The following PDZD8 variants were observed in gnomAD, a reference collection of about 807,000 sequenced individuals.
PDZD8 encodes the protein PDZ domain containing 8, also known as PDZ domain-containing protein 8.
PDZD8 carries 14 observed loss-of-function variants against 85.8 expected under a neutral mutation model. The observed-to-expected ratio is 0.16, with a 90% CI of 0.11 to 0.26. PDZD8 has a LOEUF of 0.26. Ranked by LOEUF, PDZD8 falls within the 10% of genes least tolerant of loss-of-function variation. The probability of loss-of-function intolerance (pLI) is 1.00; values close to 1 mark genes in which losing one functional copy is unlikely to be tolerated. For synonymous variants in PDZD8, 592 were observed against 568.6 expected (o/e 1.04, Z -0.59); for missense variants, 1,197 against 1,424.3 (o/e 0.84, Z 2.57).
chr10:117,340,658 T>C (rs896598502), intron 2 of PDZD8, among the ~76,000 whole-genome samples: 1 of 152,148 alleles, frequency 6.6e-6, no homozygotes, highest in Non-Finnish European at 1.5e-5. Flanking sequence ...ATAAGTATCA[T>C]TGAGTAATTT....
chr10:117,343,563 C>CT, intron 1 of PDZD8, among the ~76,000 whole-genome samples: 1 of 152,260 alleles, frequency 6.6e-6, no homozygotes, highest in South Asian at 2.1e-4. Context: ...ACCATATACA[C>CT]TAGAAACTTT....
chr10:117,323,560 C>A (rs944088895), intron 2 of PDZD8, among the ~76,000 whole-genome samples: 2 of 152,148 alleles, frequency 1.3e-5, no homozygotes, highest in African/African-American at 4.8e-5. Flanking sequence ...CAAAATTTTT[C>A]TGAAGAATTC....
chr10:117,371,656 C>T (rs557876653), intron 1 of PDZD8, among the ~76,000 whole-genome samples: 3 of 152,122 alleles, frequency 2.0e-5, no homozygotes, highest in Non-Finnish European at 2.9e-5. Flanking sequence ...TACAAAGCGC[C>T]GGGCAAGGTG....
chr10:117,280,398 T>C lies in PDZD8; in HGVS notation c.*2870A>G, dbSNP rs934841121. The C allele has an allele frequency of 6.6e-6, 1 of 152,232 alleles. No homozygotes were observed. Among genetic ancestry groups the C allele is most frequent in the African/African-American group, 2.4e-5 (1 of 41,460 alleles). 9.4% of individuals were successfully genotyped at this position (152,232 alleles called of 1,614,324 possible). A position where few individuals can be genotyped will look rare whatever the true frequency, so the allele number is the denominator to read the frequency against. On this transcript the variant is annotated 3_prime_UTR_variant, in exon 5 of 5. Transcript: ENST00000334464. The stretch of plus-strand genomic sequence containing the variant: ...TTTGTTTAGGAAAAGTGGACTTTGT[T>C]ATGCTTTTCTGCATGGCCAAATTAT...
In PDZD8 at chr10:117,284,437, C is replaced by CTATA. The variant is rs1384146419; in HGVS notation, c.2292_2295dup (p.Val766TyrfsTer4). 1.9e-6 allele frequency: 3 copies of CTATA among 1,614,154 alleles called. No individual in the cohort carries two copies. Among genetic ancestry groups the CTATA allele is most frequent in the Non-Finnish European group, 2.5e-6 (3 of 1,180,022 alleles). The stretch of plus-strand genomic sequence containing the variant: ...AGATTGCGTAGTGCGGTTCTAGTGA[C>CTATA]TATAGCCTTAGGTGAGGGGGCTTCC... On this transcript the variant is annotated frameshift_variant, in exon 5 of 5. Transcript: ENST00000334464. LOFTEE classifies it high-confidence loss of function.
intron 2 of PDZD8, among the ~76,000 whole-genome samples, chr10:117,336,050 C>T (rs1008343590): frequency 1.1e-4 from 16 of 152,144 alleles, no homozygotes; most frequent in African/African-American, 2.4e-4. Context: ...TTATATTTAA[C>T]GAGATATCTT....
intron 3 of PDZD8, among the ~76,000 whole-genome samples, chr10:117,298,422 CT>C (rs1421819373): frequency 1.3e-5 from 2 of 152,042 alleles, no homozygotes; most frequent in Non-Finnish European, 2.9e-5. Context: ...ATCATCATTT[CT>C]TAATATACCA....
intron 1 of PDZD8, among the ~76,000 whole-genome samples, chr10:117,361,951 T>C (rs1845005543): frequency 2.0e-5 from 3 of 152,184 alleles, no homozygotes; most frequent in Admixed American, 1.3e-4. Context: ...TATGCCATTT[T>C]ATATCAGGGA....
At chr10:117,352,363 T>C (rs1030361107) in intron 1 of PDZD8, among the ~76,000 whole-genome samples, 1 of 152,194 alleles carries the variant, frequency 6.6e-6, no homozygotes, top group Admixed American at 6.5e-5. Flanking sequence ...TTTGTGACAA[T>C]TAGAGCTAGT....
chr10:117,330,242 C>T (rs1294677191), intron 2 of PDZD8, among the ~76,000 whole-genome samples: 1 of 152,006 alleles, frequency 6.6e-6, no homozygotes, highest in African/African-American at 2.4e-5. Flanking sequence ...ACTCAATTTT[C>T]CTCAATTTTC....
Position 117,314,477 on chromosome 10 carries a change from A to G in PDZD8, c.1098+4395T>C, listed in dbSNP as rs186934042. 2.2e-3 allele frequency among the ~76,000 whole-genome samples: 330 copies of G among 152,284 alleles called. 1 individual carries two copies. The highest frequency in any genetic ancestry group is 2.2e-3 in the Non-Finnish European group (151 of 67,998). ...ACCATGTAACACTCAGAAAGAATAT[A>G]CTGTTCTGATTAAGAACTCCAATAT... On this transcript the variant is annotated intron_variant, in intron 3 of 4. Coordinates refer to ENST00000334464, the MANE Select transcript of PDZD8 (RefSeq NM_173791.5).
intron 3 of PDZD8, among the ~76,000 whole-genome samples, chr10:117,292,480 A>C (rs1323072984): frequency 6.6e-6 from 1 of 152,184 alleles, no homozygotes; most frequent in Non-Finnish European, 1.5e-5. Context: ...AAGTTTTTCT[A>C]ATTGCAGGAA....
intron 1 of PDZD8, among the ~76,000 whole-genome samples, chr10:117,351,887 C>T (rs1844811496): frequency 6.6e-6 from 1 of 152,040 alleles, no homozygotes. Context: ...CTATATTGCT[C>T]AGGCTGGTCT....
chr10:117,339,543 C>A (rs1220251172), intron 2 of PDZD8, among the ~76,000 whole-genome samples: 1 of 152,148 alleles, frequency 6.6e-6, no homozygotes, highest in Non-Finnish European at 1.5e-5. Flanking sequence ...TTTTGTATAA[C>A]CTGTGGGCTA....
chr10:117,283,787 C>T lies in PDZD8; in HGVS notation c.2946G>A (p.Thr982=), dbSNP rs778196738. 1.5e-5 allele frequency: 25 copies of T among 1,614,086 alleles called. No homozygotes were observed. The highest frequency in any genetic ancestry group is 2.7e-5 in the African/African-American group (2 of 74,922). The change falls in exon 5 of 5, where the codon ACG becomes ACA. Residue 982 remains threonine (T), a synonymous_variant. Transcript: ENST00000334464. ...AAGGACTGTTTGGACCACAGACCTCCGTGTCACTGCCTTCGTTGTCTGACG... is the reference window on the plus strand; with the variant it reads ...AAGGACTGTTTGGACCACAGACCTCTGTGTCACTGCCTTCGTTGTCTGACG... The part of the protein sequence containing the change: ...PNTSDNEGSD[T]EVCGPNSPSK...
In PDZD8 at chr10:117,284,055, G is replaced by A. The variant is rs772033055; in HGVS notation, c.2678C>T (p.Ala893Val). 6.2e-7 allele frequency: 1 copy of A among 1,614,126 alleles called. No individual in the cohort carries two copies. Among genetic ancestry groups the A allele is most frequent in the South Asian group, 1.1e-5 (1 of 91,086 alleles). ...TGTCCTGTCTATTCGCCTATCAGTT[G>A]CTCCACAAACAGAAGTCTCAGCTAG... ...KCLAETSVCG[A>V]TDRRIDRTLK... Residue 893 changes from alanine (A) to valine (V), a missense_variant, in exon 5 of 5, where the codon GCA becomes GTA. By Grantham distance (64) the Ala-to-Val change is moderately conservative. Around this residue, in one of 4 missense-constraint regions of PDZD8, gnomAD observed 418 missense variants for 571.1 expected, o/e 0.73. Coordinates refer to ENST00000334464, the MANE Select transcript of PDZD8 (RefSeq NM_173791.5).
chr10:117,301,983 CA>C (rs1254904544), intron 3 of PDZD8, among the ~76,000 whole-genome samples: 1 of 152,070 alleles, frequency 6.6e-6, no homozygotes, highest in Non-Finnish European at 1.5e-5. Flanking sequence ...TACTATTACT[CA>C]ATTTCTGTTT....
chr10:117,313,837 A>C (rs771968047), intron 3 of PDZD8, among the ~76,000 whole-genome samples: 5 of 152,148 alleles, frequency 3.3e-5, no homozygotes, highest in Non-Finnish European at 7.4e-5. Context: ...TGGGCTCTAT[A>C]ATAAGCCAGA....
chr10:117,280,928 G>C lies in PDZD8; in HGVS notation c.*2340C>G, dbSNP rs1844566611. 1 of 152,202 alleles carries C rather than the reference G, an allele frequency of 6.6e-6. No homozygotes were observed. Among genetic ancestry groups the C allele is most frequent in the South Asian group, 2.1e-4 (1 of 4,832 alleles). 9.4% of individuals were successfully genotyped at this position (152,202 alleles called of 1,614,324 possible). On this transcript the variant is annotated 3_prime_UTR_variant, in exon 5 of 5. Transcript: ENST00000334464. ...AATAAACACCAGCTACTTACAAGTA[G>C]TCCACCTTCCAGGTTATCAATGGTA...
Sources: gnomAD v4.1 joint callset for allele counts (sites outside exome capture counted in the v4.1 genomes callset) on GRCh38, gnomAD v4.1.1 for gene constraint, gnomAD v4.1.1 regional missense constraint, MANE v1.5 for transcripts, NCBI Gene and HGNC (gene_info 2026-07-23, HGNC 2026-07-21) for gene names.